Variants in ERICH6B observed in about 807,000 individuals in gnomAD.
ERICH6B encodes the protein glutamate-rich protein 6B.
Under a neutral mutation model 80.0 loss-of-function variants are expected in ERICH6B, and 69 were observed. That is an observed-to-expected ratio of 0.86 (90% CI 0.71 to 1.05). The LOEUF (loss-of-function observed/expected upper bound fraction) is 1.05, where lower values mean the gene tolerates loss of function less well. Among genes scored for constraint, ERICH6B ranks in the 50% least tolerant of loss-of-function variants. The pLI, the probability that ERICH6B is intolerant of heterozygous loss-of-function variation, is 0.00. For missense variants in ERICH6B, 754 were observed against 796.1 expected (o/e 0.95, Z 0.64); for synonymous variants, 283 against 291.9 (o/e 0.97, Z 0.31).
intron 4 of ERICH6B, among the ~76,000 whole-genome samples, chr13:45,588,050 A>G (rs9534176): frequency 0.2 from 30,752 of 152,138 alleles, 3,518 homozygotes; most frequent in South Asian, 0.41. Flanking sequence ...TAGTAGAGGC[A>G]CTTGGGGTAA....
chr13:45,552,152 A>G (rs1314582424), intron 11 of ERICH6B, among the ~76,000 whole-genome samples: 3 of 152,200 alleles, frequency 2.0e-5, no homozygotes, highest in Non-Finnish European at 1.5e-5. Flanking sequence ...TGTTATTACT[A>G]TTCTTGATTA....
Position 45,541,399 on chromosome 13 carries a change from C to G in ERICH6B, c.*63G>C. ...GTCAACAGGTCTTTGGGTTTTTTTT[C>G]CCTGGAGCTCCCAAGGTCTCCAACT... On this transcript the variant is annotated 3_prime_UTR_variant, in exon 15 of 15. Transcript: ENST00000298738. 7.0e-7 allele frequency: 1 copy of G among 1,425,456 alleles called. No homozygotes were observed. The highest frequency in any genetic ancestry group is 9.5e-7 in the Non-Finnish European group (1 of 1,049,062). The allele number at this position is 1,425,456 out of a possible 1,614,324, so 88.3% of individuals were successfully genotyped here.
chr13:45,599,316 G>A (rs989731493), intron 2 of ERICH6B, among the ~76,000 whole-genome samples: 2 of 152,176 alleles, frequency 1.3e-5, no homozygotes, highest in African/African-American at 4.8e-5. Context: ...AGCAGTAAAG[G>A]GGGAGCCTGT....
At chr13:45,552,232 C>G (rs958319422) in intron 11 of ERICH6B, among the ~76,000 whole-genome samples, 1 of 152,114 alleles carries the variant, frequency 6.6e-6, no homozygotes, top group Non-Finnish European at 1.5e-5. Context: ...GATTTGTTTT[C>G]TGACCTAGCA....
At chr13:45,567,167 C>G (rs747275925) in intron 9 of ERICH6B, among the ~76,000 whole-genome samples, 2 of 152,214 alleles carry the variant, frequency 1.3e-5, no homozygotes, top group Non-Finnish European at 2.9e-5. Context: ...AATGCCTGTA[C>G]GCCCACTGTA....
chr13:45,606,592 C>T (rs1949868316), intron 2 of ERICH6B, among the ~76,000 whole-genome samples: 1 of 122,548 alleles, frequency 8.2e-6, no homozygotes, highest in African/African-American at 3.3e-5. Flanking sequence ...CTCACTTTGT[C>T]ACCCAGGCCA....
intron 2 of ERICH6B, among the ~76,000 whole-genome samples, chr13:45,600,861 C>A (rs1949823103): frequency 6.6e-6 from 1 of 151,978 alleles, no homozygotes; most frequent in African/African-American, 2.4e-5. Flanking sequence ...GGGTTGATAC[C>A]CAGGAGTGGA....
intron 11 of ERICH6B, among the ~76,000 whole-genome samples, chr13:45,550,550 A>T (rs1388328738): frequency 6.6e-6 from 1 of 152,194 alleles, no homozygotes; most frequent in Non-Finnish European, 1.5e-5. Flanking sequence ...CCCAATGATT[A>T]TTGATTGCAT....
chr13:45,542,382 G>T (rs560627031), intron 14 of ERICH6B, among the ~76,000 whole-genome samples: 2 of 152,216 alleles, frequency 1.3e-5, no homozygotes, highest in East Asian at 1.9e-4. Flanking sequence ...GCATGGAGGC[G>T]CCTGTTCTTC....
At chr13:45,599,319 G>A (rs960148947) in intron 2 of ERICH6B, among the ~76,000 whole-genome samples, 1 of 152,186 alleles carries the variant, frequency 6.6e-6, no homozygotes, top group Non-Finnish European at 1.5e-5. Context: ...AGTAAAGGGG[G>A]AGCCTGTGCG....
chr13:45,608,897 G>C (rs984822057), intron 1 of ERICH6B, among the ~76,000 whole-genome samples: 3 of 152,150 alleles, frequency 2.0e-5, no homozygotes, highest in African/African-American at 7.2e-5. Context: ...GGAACCTCTG[G>C]TATAATTCCC....
chr13:45,550,903 A>C (rs977394243), intron 11 of ERICH6B, among the ~76,000 whole-genome samples: 38 of 152,216 alleles, frequency 2.5e-4, no homozygotes, highest in African/African-American at 8.7e-4. Flanking sequence ...AACTCATTAC[A>C]TCTGCAAAGA....
rs572582561 is a variant in ERICH6B at position 45,544,237 on chromosome 13, TA to T, written c.1872+522del. Among the ~76,000 whole-genome samples, 1,257 of 152,272 alleles carry T rather than the reference TA, an allele frequency of 8.3e-3. 18 individuals carry two copies. Among genetic ancestry groups the T allele is most frequent in the African/African-American group, 0.028 (1,167 of 41,554 alleles). On this transcript the variant is annotated intron_variant, in intron 14 of 14. Transcript: ENST00000298738. ...AAAGGCGTGAGCCACTGGGATCAGC[TA>T]AATTTTTTGTATTTTTAGAAGAGAC...
chr13:45,546,970 C>T (rs1404399977), intron 13 of ERICH6B, among the ~76,000 whole-genome samples: 1 of 152,178 alleles, frequency 6.6e-6, no homozygotes, highest in Non-Finnish European at 1.5e-5. Context: ...CCTCATTCCT[C>T]CTTCTCTAAG....
chr13:45,589,611 C>T (rs974708191), intron 4 of ERICH6B, among the ~76,000 whole-genome samples: 1 of 152,172 alleles, frequency 6.6e-6, no homozygotes, highest in Non-Finnish European at 1.5e-5. Flanking sequence ...AGTGGCTGCC[C>T]TGTAGCACAC....
chr13:45,606,547 A>AT lies in ERICH6B; in HGVS notation c.-59+1016dup, dbSNP rs71074722. 5.5e-3 allele frequency among the ~76,000 whole-genome samples: 91 copies of AT among 16,602 alleles called. 5 individuals are homozygous for AT. The highest frequency in any genetic ancestry group is 0.011 in the East Asian group (3 of 276). The allele number at this position is 16,602 out of a possible 152,430, so 10.9% of individuals were successfully genotyped here. On this transcript the variant is annotated intron_variant, in intron 2 of 14. Transcript: ENST00000298738. ...TATATATATATATATATATATATAT[A>AT]TTTTTTTTTTTTTTTTTTTTTTTGG...
At position 45,579,376 on chromosome 13, in the gene ERICH6B, G is replaced by T. The variant is rs147899045; in HGVS notation, c.961+557C>A. Reference sequence around the variant, plus strand: ...TAAAACAGATCTTAGTCCCTAAATTGTGTTCTAATGAGGATGGGTCTGGTT... The same window carrying T: ...TAAAACAGATCTTAGTCCCTAAATTTTGTTCTAATGAGGATGGGTCTGGTT... On this transcript the variant is annotated intron_variant, in intron 7 of 14. Transcript: ENST00000298738. Among the ~76,000 whole-genome samples the T allele has an allele frequency of 2.0e-3, 312 of 152,298 alleles. 3 individuals are homozygous for T. Among genetic ancestry groups the T allele is most frequent in the African/African-American group, 7.3e-3 (302 of 41,568 alleles).
In ERICH6B at chr13:45,550,264, T is replaced by A; in HGVS notation, c.1460A>T (p.Gln487Leu). Residue 487 changes from glutamine to leucine, a missense_variant, in exon 12 of 15, where the codon CAA (glutamine) becomes CTA (leucine). Gln to Leu is a moderately radical substitution (Grantham distance 113). Coordinates refer to ENST00000298738, the MANE Select transcript of ERICH6B (RefSeq NM_182542.3). ...LILYPNKNVY[Q>L]ILFPDGTGQI... is the part of the protein sequence containing the mutation. ...GCCTGTCCCATCAGGAAAGAGAATT[T>A]GATAGACATTCTTGTTGGGGTAGAG... 3 of 1,551,676 alleles carry A rather than the reference T, an allele frequency of 1.9e-6. No homozygotes were observed. The highest frequency in any genetic ancestry group is 2.6e-6 in the Non-Finnish European group (3 of 1,146,946).
chr13:45,604,596 A>C (rs1055218116), intron 2 of ERICH6B, among the ~76,000 whole-genome samples: 4 of 152,268 alleles, frequency 2.6e-5, no homozygotes, highest in African/African-American at 9.6e-5. Flanking sequence ...TGTGAAAAAA[A>C]AGTTGTTTGA....
Sources: gnomAD v4.1 joint callset for allele counts (sites outside exome capture counted in the v4.1 genomes callset) on GRCh38, gnomAD v4.1.1 for gene constraint, MANE v1.5 for transcripts, NCBI Gene and HGNC (gene_info 2026-07-23, HGNC 2026-07-21) for gene names.